PCDHGB3: variants seen among roughly 807,000 people sequenced by gnomAD.
PCDHGB3 encodes protocadherin gamma-B3.
PCDHGB3 carries 40 observed loss-of-function variants against 59.2 expected under a neutral mutation model. The ratio of observed to expected loss-of-function variants is 0.68; its 90% CI spans 0.52 to 0.88. PCDHGB3 has a LOEUF of 0.88. PCDHGB3 is among the 40% of genes least tolerant of loss of function. PCDHGB3 has a pLI of 0.00. For missense variants in PCDHGB3, 1,309 were observed against 1,187.9 expected, an observed-to-expected ratio of 1.10 and a Z score of -1.50; for synonymous variants, 581 against 503.6, an observed-to-expected ratio of 1.15 and a Z score of -2.06.
intron 1 of PCDHGB3, chr5:141,383,294 G>C: frequency 6.2e-7 from 1 of 1,613,938 alleles, no homozygotes; most frequent in Non-Finnish European, 8.5e-7. Flanking sequence ...AACGTTCCAA[G>C]ATTCTTGACG....
At chr5:141,375,523 C>T (rs571977774) in intron 1 of PCDHGB3, 2 of 1,614,032 alleles carry the variant, frequency 1.2e-6, no homozygotes, top group Non-Finnish European at 1.7e-6. Flanking sequence ...TGGACCCTGA[C>T]GTGGACCAGA....
intron 1 of PCDHGB3, chr5:141,408,253 A>G (rs749487100): frequency 3.4e-4 from 550 of 1,599,220 alleles, no homozygotes; most frequent in Non-Finnish European, 4.4e-4. Flanking sequence ...GGCAGGTGCT[A>G]TTTCCTTTGC....
intron 1 of PCDHGB3, chr5:141,394,889 T>C: frequency 6.2e-7 from 1 of 1,613,858 alleles, no homozygotes; most frequent in Non-Finnish European, 8.5e-7. Context: ...TTACACTCTA[T>C]CTCGTGGTGG....
chr5:141,474,847 GCCTTCT>G (rs906863967), intron 1 of PCDHGB3, among the ~76,000 whole-genome samples: 3 of 152,198 alleles, frequency 2.0e-5, no homozygotes, highest in African/African-American at 7.2e-5. Context: ...CACTTTACCT[GCCTTCT>G]TCATTTAATA....
At chr5:141,374,040 T>C (rs749671725) in intron 1 of PCDHGB3, 1 of 1,458,040 alleles carries the variant, frequency 6.9e-7, no homozygotes, top group Admixed American at 2.7e-5. Flanking sequence ...TGCAGATCTG[T>C]TCTTCCTCTT....
intron 1 of PCDHGB3, among the ~76,000 whole-genome samples, chr5:141,450,363 T>C (rs2098678373): frequency 6.6e-6 from 1 of 152,162 alleles, no homozygotes; most frequent in Admixed American, 6.5e-5. Flanking sequence ...TTCCTCAGCC[T>C]TGTTTGTTTA....
At position 141,431,790 on chromosome 5, in the gene PCDHGB3, C is replaced by G; in HGVS notation, c.2415+58981C>G. ...ACTGTTCTGGACGTGAACGACAATG[C>G]CCCAGAAGTGGTCCTCACCTCTCTC... On this transcript the variant is annotated intron_variant, in intron 1 of 3. Coordinates refer to ENST00000576222, the MANE Select transcript of PCDHGB3 (RefSeq NM_018924.5). The surrounding 1 kb of genome is among the most constrained non-coding windows in gnomAD (Gnocchi z 4.8). 1 of 1,614,186 alleles carries G rather than the reference C, an allele frequency of 6.2e-7. No homozygotes were observed. Among genetic ancestry groups the G allele is most frequent in the Non-Finnish European group, 8.5e-7 (1 of 1,180,016 alleles).
chr5:141,413,630 C>T (rs746896115), intron 1 of PCDHGB3: 2 of 1,613,692 alleles, frequency 1.2e-6, no homozygotes, highest in Admixed American at 3.3e-5. Flanking sequence ...AATGTCGCTG[C>T]GGGAATGCGT....
chr5:141,404,695 TGCAGAGCC>T, intron 1 of PCDHGB3: 1 of 1,614,122 alleles, frequency 6.2e-7, no homozygotes, highest in Non-Finnish European at 8.5e-7. Flanking sequence ...CACCCCGCTC[TGCAGAGCC>T]TGGCTACCTG....
chr5:141,398,125 G>C (rs1353004584), intron 1 of PCDHGB3: 1 of 1,586,808 alleles, frequency 6.3e-7, no homozygotes. Flanking sequence ...GAGAGCAAGA[G>C]GGATGGGGAG....
intron 1 of PCDHGB3, chr5:141,393,367 G>C: frequency 1.2e-6 from 2 of 1,613,962 alleles, no homozygotes; most frequent in Middle Eastern, 1.6e-4. Context: ...GTGCAGACTG[G>C]AGACAATGGA....
chr5:141,372,314 G>A lies in PCDHGB3; in HGVS notation c.1920G>A (p.Gln640=), dbSNP rs369724462. 7.7e-5 allele frequency: 125 copies of A among 1,613,460 alleles called. No individual in the cohort carries two copies. Among genetic ancestry groups the A allele is most frequent in the Non-Finnish European group, 1.0e-4 (121 of 1,179,918 alleles). Residue 640 remains glutamine, a synonymous_variant, in exon 1 of 4, where the codon CAG becomes CAA. Coordinates refer to ENST00000576222, the MANE Select transcript of PCDHGB3 (RefSeq NM_018924.5). ...TGGGCGACAGGGAGGCCGCCCGCCA[G>A]CGCCTGCTGGTCACTGTGCGTGATG... is the stretch of plus-strand genomic sequence containing the variant. The part of the protein sequence containing the change: ...RTLGDREAAR[Q]RLLVTVRDGG...
Position 141,370,785 on chromosome 5 carries a change from C to T in PCDHGB3, c.391C>T (p.Pro131Ser). Reference sequence around the variant, plus strand: ...GATCCAGGATATTAACGACAACCCACCGACCTTTAGCCAAAATATCACTGA... The same window carrying T: ...GATCCAGGATATTAACGACAACCCATCGACCTTTAGCCAAAATATCACTGA... The part of the protein sequence containing the change: ...VLIQDINDNP[P>S]TFSQNITELE... The change falls in exon 1 of 4, where the codon CCG (proline) becomes TCG (serine). Residue 131 changes from proline (P) to serine (S), a missense_variant. By Grantham distance (74) the Pro-to-Ser change is moderately conservative. Coordinates refer to ENST00000576222, the MANE Select transcript of PCDHGB3 (RefSeq NM_018924.5). The T allele has an allele frequency of 6.2e-7, 1 of 1,614,018 alleles. No individual in the cohort carries two copies. Among genetic ancestry groups the T allele is most frequent in the Non-Finnish European group, 8.5e-7 (1 of 1,179,912 alleles).
At chr5:141,413,331 C>T (rs1300057166) in intron 1 of PCDHGB3, 1 of 1,613,992 alleles carries the variant, frequency 6.2e-7, no homozygotes, top group Admixed American at 1.7e-5. Context: ...TGGGCAACAT[C>T]TCCAAGGACT....
In PCDHGB3 at chr5:141,494,676, C is replaced by T. The variant is rs2099755997; in HGVS notation, c.2416-131C>T. On this transcript the variant is annotated intron_variant, in intron 1 of 3. Transcript: ENST00000576222. ...TTTGTCTTTGGAGATGAGTCCACCCCTGCCCCCTCTTAGTCCGTTTTCTTC... is the reference window on the plus strand; with the variant it reads ...TTTGTCTTTGGAGATGAGTCCACCCTTGCCCCCTCTTAGTCCGTTTTCTTC... 1.7e-5 allele frequency: 26 copies of T among 1,550,800 alleles called. No individual in the cohort carries two copies. In the South Asian group the frequency reaches 3.0e-4, roughly 18 times the overall value.
intron 1 of PCDHGB3, among the ~76,000 whole-genome samples, chr5:141,472,264 G>A (rs925973401): frequency 1.3e-4 from 20 of 152,068 alleles, no homozygotes; most frequent in African/African-American, 3.6e-4. Context: ...TATTATAGCC[G>A]GGCACAGTGG....
chr5:141,372,022 G>A lies in PCDHGB3; in HGVS notation c.1628G>A (p.Ser543Asn). Reference protein sequence around the residue: ...QARDQGSPTLSANVSLRVLVD... With the variant: ...QARDQGSPTLNANVSLRVLVD... Reference sequence around the variant, plus strand: ...CGCGACCAGGGCTCGCCTACGCTCAGCGCCAACGTGAGCCTGCGCGTGTTG... The same window carrying A: ...CGCGACCAGGGCTCGCCTACGCTCAACGCCAACGTGAGCCTGCGCGTGTTG... The change falls in exon 1 of 4, where the codon AGC becomes AAC. Residue 543 changes from serine to asparagine, a missense_variant. Ser to Asn is a conservative substitution (Grantham distance 46). Coordinates refer to ENST00000576222, the MANE Select transcript of PCDHGB3 (RefSeq NM_018924.5). The A allele has an allele frequency of 6.2e-7, 1 of 1,613,416 alleles. No homozygotes were observed. Among genetic ancestry groups the A allele is most frequent in the Non-Finnish European group, 8.5e-7 (1 of 1,179,762 alleles).
chr5:141,465,490 G>A (rs917234604), intron 1 of PCDHGB3, among the ~76,000 whole-genome samples: 9 of 152,170 alleles, frequency 5.9e-5, no homozygotes, highest in East Asian at 1.9e-4. Flanking sequence ...AGGAATGAGC[G>A]GGAGCATTGT....
chr5:141,435,906 A>C (rs1246100275), intron 1 of PCDHGB3, among the ~76,000 whole-genome samples: 1 of 152,182 alleles, frequency 6.6e-6, no homozygotes, highest in African/African-American at 2.4e-5. Context: ...AAAGACATCC[A>C]AGGGCTCTAA....
Sources: allele counts gnomAD v4.1 joint callset (sites outside exome capture counted in the v4.1 genomes callset), GRCh38; gene constraint gnomAD v4.1.1; non-coding constraint Gnocchi (gnomAD v3.1); transcripts MANE v1.5; gene names NCBI Gene and HGNC (gene_info 2026-07-23, HGNC 2026-07-21).